Variants in MAN2A1 observed in about 807,000 individuals in gnomAD.
MAN2A1 encodes the protein alpha-mannosidase 2.
In MAN2A1, 76 loss-of-function variants were observed where a neutral mutation model predicts 142.6. That is an observed-to-expected ratio of 0.53 (90% CI 0.44 to 0.65). MAN2A1 has a LOEUF of 0.65. Ranked by LOEUF, MAN2A1 falls within the 30% of genes least tolerant of loss-of-function variation. The pLI is 0.00. For synonymous variants in MAN2A1, 559 were observed against 473.2 expected (o/e 1.18, Z -2.35); for missense variants, 1,311 against 1,365.1 (o/e 0.96, Z 0.62).
intron 3 of MAN2A1, among the ~76,000 whole-genome samples, chr5:109,726,016 A>G (rs1751734014): frequency 6.6e-6 from 1 of 152,200 alleles, no homozygotes; most frequent in Non-Finnish European, 1.5e-5. Context: ...TAAAATAGCT[A>G]TTAGCTTTTT....
chr5:109,856,387 A>C (rs1331042273), intron 20 of MAN2A1, among the ~76,000 whole-genome samples: 1 of 152,200 alleles, frequency 6.6e-6, no homozygotes, highest in African/African-American at 2.4e-5. Context: ...TAGAGACAAG[A>C]CAAAGAAGAA....
chr5:109,724,775 G>A (rs946698649), intron 3 of MAN2A1, among the ~76,000 whole-genome samples: 3 of 152,068 alleles, frequency 2.0e-5, no homozygotes, highest in Non-Finnish European at 4.4e-5. Flanking sequence ...TCTTAGGGAT[G>A]GGTGTTTTAA....
chr5:109,730,313 A>G (rs972118719), intron 4 of MAN2A1, among the ~76,000 whole-genome samples: 3 of 151,920 alleles, frequency 2.0e-5, no homozygotes, highest in African/African-American at 7.3e-5. Flanking sequence ...TTTCTTACTG[A>G]TTTGTAGGAG....
At chr5:109,763,729 G>A (rs1752916175) in intron 5 of MAN2A1, among the ~76,000 whole-genome samples, 1 of 151,706 alleles carries the variant, frequency 6.6e-6, no homozygotes, top group South Asian at 2.1e-4. Context: ...TTGATTATGG[G>A]ATGCATTTTT....
intron 12 of MAN2A1, among the ~76,000 whole-genome samples, chr5:109,798,860 G>T (rs1019684972): frequency 6.6e-6 from 1 of 151,782 alleles, no homozygotes; most frequent in Admixed American, 6.6e-5. Flanking sequence ...TTTTTTTGTT[G>T]TTGTTGTATT....
intron 4 of MAN2A1, among the ~76,000 whole-genome samples, chr5:109,753,636 G>A (rs1382026749): frequency 6.6e-6 from 1 of 152,130 alleles, no homozygotes; most frequent in Non-Finnish European, 1.5e-5. Context: ...ATATGATCAT[G>A]CATATGTTTG....
At chr5:109,820,127 T>C in intron 14 of MAN2A1, 93 bp from the exon 15 acceptor site, 1 of 1,153,436 alleles carries the variant, frequency 8.7e-7, no homozygotes, top group Non-Finnish European at 1.2e-6. Context: ...GTACAGAAAT[T>C]ATTTTTTTAA....
chr5:109,694,763 T>C (rs1337188610), intron 1 of MAN2A1, among the ~76,000 whole-genome samples: 1 of 152,168 alleles, frequency 6.6e-6, no homozygotes, highest in East Asian at 1.9e-4. Context: ...TAATGAAAGT[T>C]GACTCATGGC....
At chr5:109,724,375 T>C (rs908406225) in intron 3 of MAN2A1, among the ~76,000 whole-genome samples, 17 of 152,132 alleles carry the variant, frequency 1.1e-4, no homozygotes, top group Non-Finnish European at 2.2e-4. Flanking sequence ...CTCAACATCA[T>C]GCAATATACC....
chr5:109,840,027 A>G (rs531072942), intron 16 of MAN2A1: 5 of 160,976 alleles, frequency 3.1e-5, no homozygotes, highest in Non-Finnish European at 5.4e-5. Context: ...ATCCTGCTCC[A>G]TTCTAGAAAA....
chr5:109,785,269 A>G (rs1260779986), intron 10 of MAN2A1, among the ~76,000 whole-genome samples: 1 of 152,104 alleles, frequency 6.6e-6, no homozygotes, highest in Non-Finnish European at 1.5e-5. Flanking sequence ...CATAGTTATA[A>G]TGTAGAGAGA....
intron 15 of MAN2A1, 21 bp downstream of exon 15, chr5:109,820,363 G>A (rs1754591212): frequency 6.3e-7 from 1 of 1,592,558 alleles, no homozygotes; most frequent in Middle Eastern, 1.7e-4. Flanking sequence ...CTGATGAGAT[G>A]ACAAATGGAA....
At chr5:109,718,435 A>T (rs1294432413) in intron 3 of MAN2A1, among the ~76,000 whole-genome samples, 1 of 152,232 alleles carries the variant, frequency 6.6e-6, no homozygotes, top group Admixed American at 6.5e-5. Flanking sequence ...CATGAAGGTT[A>T]GTGCCATGAT....
At chr5:109,788,898 A>AT (rs1413511631) in intron 10 of MAN2A1, 36 bp from the exon 11 acceptor site, 1 of 960,890 alleles carries the variant, frequency 1.0e-6, no homozygotes, top group Non-Finnish European at 1.7e-6. Flanking sequence ...AGATTTTTAA[A>AT]TTGTTTCTCA....
chr5:109,793,893 A>G (rs1028615345), intron 12 of MAN2A1, among the ~76,000 whole-genome samples: 4 of 152,154 alleles, frequency 2.6e-5, no homozygotes, highest in African/African-American at 9.7e-5. Flanking sequence ...TACATTTTGT[A>G]TTTTTAATAT....
chr5:109,715,399 T>C (rs1208266850), intron 2 of MAN2A1, among the ~76,000 whole-genome samples: 1 of 152,076 alleles, frequency 6.6e-6, no homozygotes, highest in Admixed American at 6.6e-5. Context: ...TTTAATATTA[T>C]AGAGACTATG....
intron 1 of MAN2A1, among the ~76,000 whole-genome samples, chr5:109,710,390 T>C (rs531225316): frequency 6.6e-6 from 1 of 152,370 alleles, no homozygotes; most frequent in Admixed American, 6.5e-5. Flanking sequence ...GCAGTTTTGC[T>C]GTGTATATGG....
intron 4 of MAN2A1, among the ~76,000 whole-genome samples, chr5:109,733,699 C>T (rs560735578): frequency 3.3e-5 from 5 of 152,012 alleles, no homozygotes; most frequent in African/African-American, 1.2e-4. Flanking sequence ...GCCTTGCATC[C>T]CAGGGATGAA....
chr5:109,839,874 A>G (rs1755155265), intron 16 of MAN2A1, among the ~76,000 whole-genome samples: 1 of 151,750 alleles, frequency 6.6e-6, no homozygotes. Context: ...TTTTTATTTT[A>G]GAATTTCCAT....
Sources: gnomAD v4.1 joint callset for allele counts (sites outside exome capture counted in the v4.1 genomes callset) on GRCh38, gnomAD v4.1.1 for gene constraint, MANE v1.5 for transcripts, NCBI Gene and HGNC (gene_info 2026-07-23, HGNC 2026-07-21) for gene names.